VGLL3: variants seen among roughly 807,000 people sequenced by gnomAD.
VGLL3 encodes transcription cofactor vestigial-like protein 3.
A neutral mutation model predicts 29.2 loss-of-function variants in VGLL3; 18 were observed. The observed-to-expected ratio is 0.62, with a 90% CI of 0.43 to 0.91. The LOEUF is 0.91. VGLL3 is among the 40% of genes least tolerant of loss of function. The pLI is 0.00. For missense variants in VGLL3, 440 were observed against 413.2 expected, an observed-to-expected ratio of 1.06 and a Z score of -0.56; for synonymous variants, 180 against 151.8, an observed-to-expected ratio of 1.19 and a Z score of -1.36.
chr3:86,975,782 C>T (rs908488277), intron 2 of VGLL3, among the ~76,000 whole-genome samples: 4 of 152,060 alleles, frequency 2.6e-5, no homozygotes, highest in Admixed American at 6.6e-5. Flanking sequence ...GCTGTGTGCT[C>T]CTGGTATATG....
intron 3 of VGLL3, among the ~76,000 whole-genome samples, chr3:86,965,453 C>T (rs1704938417): frequency 6.6e-6 from 1 of 152,112 alleles, no homozygotes; most frequent in Non-Finnish European, 1.5e-5. Flanking sequence ...TTCTCAACTG[C>T]TCTGCTACCC....
intron 3 of VGLL3, chr3:86,961,856 C>G (rs1704849664): frequency 2.3e-6 from 2 of 870,564 alleles, no homozygotes; most frequent in South Asian, 1.1e-4. Flanking sequence ...AGTACACCCT[C>G]AAAAAATGTG....
chr3:86,989,897 T>G (rs1212701180), intron 1 of VGLL3, among the ~76,000 whole-genome samples: 1 of 152,160 alleles, frequency 6.6e-6, no homozygotes, highest in Non-Finnish European at 1.5e-5. Context: ...TCACGACCCC[T>G]TATTATGGAC....
At chr3:86,966,945 A>T (rs1704978615) in intron 3 of VGLL3, among the ~76,000 whole-genome samples, 1 of 151,158 alleles carries the variant, frequency 6.6e-6, no homozygotes, top group African/African-American at 2.4e-5. Context: ...AGGGAACAAA[A>T]ACCCTCTTGT....
intron 2 of VGLL3, among the ~76,000 whole-genome samples, chr3:86,976,605 C>T (rs1236294563): frequency 6.6e-6 from 1 of 152,178 alleles, no homozygotes; most frequent in Non-Finnish European, 1.5e-5. Context: ...CCTTTCTATG[C>T]TACAGTTTAA....
At chr3:86,953,294 G>A (rs1704650828) in intron 3 of VGLL3, among the ~76,000 whole-genome samples, 1 of 151,956 alleles carries the variant, frequency 6.6e-6, no homozygotes, top group Admixed American at 6.6e-5. Context: ...GTATTATCTT[G>A]GAAAACCATT....
At chr3:86,954,509 G>A (rs1401956729) in intron 3 of VGLL3, among the ~76,000 whole-genome samples, 1 of 152,082 alleles carries the variant, frequency 6.6e-6, no homozygotes, top group South Asian at 2.1e-4. Flanking sequence ...ATAGCTGGAG[G>A]GTAAATTGGC....
intron 3 of VGLL3, among the ~76,000 whole-genome samples, chr3:86,951,952 T>C (rs1213497154): frequency 1.3e-5 from 2 of 152,028 alleles, no homozygotes; most frequent in Non-Finnish European, 2.9e-5. Context: ...GAAAGAACAT[T>C]AGAAAGAATA....
At chr3:86,987,371 G>A (rs1575882928) in intron 1 of VGLL3, among the ~76,000 whole-genome samples, 1 of 152,130 alleles carries the variant, frequency 6.6e-6, no homozygotes. Context: ...AAGCATGCAT[G>A]CAGATTCATC....
intron 3 of VGLL3, among the ~76,000 whole-genome samples, chr3:86,965,470 A>G (rs1704938817): frequency 6.6e-6 from 1 of 152,114 alleles, no homozygotes; most frequent in African/African-American, 2.4e-5. Flanking sequence ...ACCCCTTCCT[A>G]GCTTGGTCCT....
At chr3:86,962,414 A>C in intron 3 of VGLL3, 1 of 985,374 alleles carries the variant, frequency 1.0e-6, no homozygotes, top group Non-Finnish European at 1.2e-6. Flanking sequence ...GAGGCACCTC[A>C]CTGTCCTCAC....
At position 86,943,990 on chromosome 3, in the gene VGLL3, A is replaced by G. The variant is rs1350310910; in HGVS notation, c.*3034T>C. On this transcript the variant is annotated 3_prime_UTR_variant, in exon 4 of 4. Transcript: ENST00000398399. Reference sequence around the variant, plus strand: ...TTGTGGAGGCAGATAGTAGCCCTCAATAAAACAGTTCGGAAGCCTCTAAGT... The same window carrying G: ...TTGTGGAGGCAGATAGTAGCCCTCAGTAAAACAGTTCGGAAGCCTCTAAGT... The G allele has an allele frequency of 3.9e-5, 6 of 152,216 alleles. No individual in the cohort carries two copies. Among genetic ancestry groups the G allele is most frequent in the African/African-American group, 1.2e-4 (5 of 41,450 alleles). 9.4% of individuals were successfully genotyped at this position (152,216 alleles called of 1,614,324 possible). A position where few individuals can be genotyped will look rare whatever the true frequency, so the allele number is the denominator to read the frequency against.
chr3:86,988,714 A>AAAGAAAGAAATTTTAGT (rs59729884), intron 1 of VGLL3, among the ~76,000 whole-genome samples: 1 of 115,732 alleles, frequency 8.6e-6, no homozygotes, highest in Non-Finnish European at 1.8e-5. Context: ...GAAAAAGAAG[A>AAAGAAAGAAATTTTAGT]AAAAGCAACA....
intron 2 of VGLL3, among the ~76,000 whole-genome samples, chr3:86,970,889 C>A (rs567071557): frequency 6.6e-6 from 1 of 152,138 alleles, no homozygotes; most frequent in African/African-American, 2.4e-5. Flanking sequence ...GGTTTACTTT[C>A]TTTCACTAAG....
At chr3:86,989,373 T>C (rs1325132700) in intron 1 of VGLL3, among the ~76,000 whole-genome samples, 1 of 152,208 alleles carries the variant, frequency 6.6e-6, no homozygotes, top group Non-Finnish European at 1.5e-5. Context: ...TAATTGGTTC[T>C]GGTTAAGCTG....
In VGLL3 at chr3:86,940,875, C is replaced by A. The variant is rs763442895; in HGVS notation, c.*6149G>T. On this transcript the variant is annotated 3_prime_UTR_variant, in exon 4 of 4. Transcript: ENST00000398399. ...TTTTTTTATTAGTTAAAAATGACAGCATAACTAAGGTTAATTTTTATTTCT... is the reference window on the plus strand; with the variant it reads ...TTTTTTTATTAGTTAAAAATGACAGAATAACTAAGGTTAATTTTTATTTCT... The A allele has an allele frequency of 5.3e-4, 80 of 152,184 alleles. No homozygotes were observed. Among genetic ancestry groups the A allele is most frequent in the Non-Finnish European group, 1.0e-3 (69 of 67,862 alleles). The allele number at this position is 152,184 out of a possible 1,614,324, so 9.4% of individuals were successfully genotyped here.
intron 3 of VGLL3, among the ~76,000 whole-genome samples, chr3:86,963,235 C>T (rs1390888479): frequency 1.3e-5 from 2 of 152,024 alleles, no homozygotes; most frequent in South Asian, 2.1e-4. Flanking sequence ...TATTATCCAC[C>T]CAATGAAATC....
chr3:86,990,554 C>G (rs1705558200), intron 1 of VGLL3, 64 bp downstream of exon 1: 1 of 1,309,968 alleles, frequency 7.6e-7, no homozygotes, highest in East Asian at 2.8e-5. Flanking sequence ...TCGCCGAGCC[C>G]CAGACCGATA....
rs770212389 is a variant in VGLL3 at position 86,968,925 on chromosome 3, G to T, written c.602C>A (p.Pro201His). 6.2e-7 allele frequency: 1 copy of T among 1,614,168 alleles called. No individual in the cohort carries two copies. Among genetic ancestry groups the T allele is most frequent in the South Asian group, 1.1e-5 (1 of 91,084 alleles). The change falls in exon 3 of 4, where the codon CCT (proline) becomes CAT (histidine). Residue 201 changes from proline to histidine, a missense_variant. Pro to His is a moderately conservative substitution (Grantham distance 77). Coordinates refer to ENST00000398399, the MANE Select transcript of VGLL3 (RefSeq NM_016206.4). ...ATAAGGCCAGGACTCAGACACAGCA[G>T]GGGGAGGGGCTGGGCCAGTCTGATG... ...NLHQTGPAPP[P>H]AVSESWPYPL...
Sources: gnomAD v4.1 joint callset for allele counts (sites outside exome capture counted in the v4.1 genomes callset) on GRCh38, gnomAD v4.1.1 for gene constraint, MANE v1.5 for transcripts, NCBI Gene and HGNC (gene_info 2026-07-23, HGNC 2026-07-21) for gene names.